The following STARD9 variants were observed in gnomAD, a reference collection of about 807,000 sequenced individuals.
The protein encoded by STARD9 is stAR-related lipid transfer protein 9.
STARD9 carries 346 observed loss-of-function variants against 399.8 expected under a neutral mutation model. The observed-to-expected ratio is 0.87, with a 90% CI of 0.79 to 0.95. The LOEUF is 0.95. Among genes scored for constraint, STARD9 ranks in the 40% least tolerant of loss-of-function variants. STARD9 has a pLI of 0.00. For missense variants in STARD9, 5,832 were observed against 5,667.5 expected, an observed-to-expected ratio of 1.03 and a Z score of -0.93; for synonymous variants, 2,203 against 2,143.5, an observed-to-expected ratio of 1.03 and a Z score of -0.77.
chr15:42,694,493 C>T lies in STARD9; in HGVS notation c.12765-35C>T, dbSNP rs746081853. ...GATAGATCTTAAAGTGAAGGACATT[C>T]AGGGCCAGCTTCAGCGAATCGTGTT... is the stretch of plus-strand genomic sequence containing the variant. On this transcript the variant is annotated intron_variant, in intron 23 of 32. Coordinates refer to ENST00000290607, the MANE Select transcript of STARD9 (RefSeq NM_020759.3). 2.7e-5 allele frequency: 41 copies of T among 1,534,408 alleles called. No individual in the cohort carries two copies. In the East Asian group the frequency reaches 5.4e-4, roughly 20 times the overall value.
In STARD9 at chr15:42,684,964, G is replaced by A. The variant is rs1397951089; in HGVS notation, c.3386G>A (p.Arg1129Lys). 1.3e-6 allele frequency: 2 copies of A among 1,537,022 alleles called. No homozygotes were observed. The highest frequency in any genetic ancestry group is 4.9e-5 in the East Asian group (2 of 40,914). The change falls in exon 23 of 33, where the codon AGG (arginine) becomes AAG (lysine). Residue 1129 changes from arginine to lysine, a missense_variant. By Grantham distance (26) the Arg-to-Lys change is conservative. Coordinates refer to ENST00000290607, the MANE Select transcript of STARD9 (RefSeq NM_020759.3). Reference protein sequence around the residue: ...ALIEPLKPEERKWDFPEPENS... With the variant: ...ALIEPLKPEEKKWDFPEPENS... ...ATAGAGCCACTGAAGCCAGAGGAGA[G>A]GAAATGGGATTTCCCAGAGCCAGAG...
At chr15:42,659,667 A>C (rs1320411498) in intron 9 of STARD9, among the ~76,000 whole-genome samples, 1 of 152,162 alleles carries the variant, frequency 6.6e-6, no homozygotes, top group Non-Finnish European at 1.5e-5. Context: ...CTGGGACTAC[A>C]GGTGCCCGCC....
chr15:42,667,550 C>G (rs555245327), intron 15 of STARD9, among the ~76,000 whole-genome samples: 1 of 150,922 alleles, frequency 6.6e-6, no homozygotes, highest in Non-Finnish European at 1.5e-5. Context: ...GGTGTAATCT[C>G]GGCTCGCTGT....
chr15:42,701,401 CA>C (rs2140336161), intron 26 of STARD9, among the ~76,000 whole-genome samples: 1 of 152,262 alleles, frequency 6.6e-6, no homozygotes, highest in South Asian at 2.1e-4. Context: ...TGATTCATGT[CA>C]TCTTTAATTT....
At chr15:42,618,753 C>G (rs9972577) in intron 3 of STARD9, among the ~76,000 whole-genome samples, 3 of 151,722 alleles carry the variant, frequency 2.0e-5, no homozygotes, top group African/African-American at 7.3e-5. Context: ...TGCACCAGCA[C>G]GCCTGGCTAA....
chr15:42,693,403 A>G lies in STARD9; in HGVS notation c.11825A>G (p.Asp3942Gly), dbSNP rs747116102. The G allele has an allele frequency of 6.5e-7, 1 of 1,537,186 alleles. No individual in the cohort carries two copies. The highest frequency in any genetic ancestry group is 1.2e-5 in the South Asian group (1 of 84,064). The change falls in exon 23 of 33, where the codon GAT becomes GGT. Residue 3942 changes from aspartate (D) to glycine (G), a missense_variant. By Grantham distance (94) the Asp-to-Gly change is moderately conservative (BLOSUM62 -1). Around this residue, in one of 2 missense-constraint regions of STARD9, gnomAD observed 5,828 missense variants for 5,651.1 expected, o/e 1.03. Transcript: ENST00000290607. ...QKLDSSPDPV[D>G]APRTPMDNYS... is the part of the protein sequence containing the mutation. ...CTTGACTCCAGCCCAGACCCTGTTG[A>G]TGCCCCAAGGACTCCAATGGATAAT...
chr15:42,687,793 T>C lies in STARD9; in HGVS notation c.6215T>C (p.Val2072Ala), dbSNP rs567917574. Residue 2072 changes from valine (V) to alanine (A), a missense_variant, in exon 23 of 33, where the codon GTT (valine) becomes GCT (alanine). This residue lies in a region of STARD9 where 5,828 missense variants were observed against 5,651.1 expected (regional missense o/e 1.03). Coordinates refer to ENST00000290607, the MANE Select transcript of STARD9 (RefSeq NM_020759.3). ...LEIESKQNKQ[V>A]HASHTPGTDK... ...ATTGAATCTAAGCAGAATAAGCAGG[T>C]TCATGCTTCCCACACACCAGGAACC... 6.5e-7 allele frequency: 1 copy of C among 1,537,390 alleles called. No homozygotes were observed. Among genetic ancestry groups the C allele is most frequent in the Admixed American group, 2.0e-5 (1 of 50,990 alleles).
rs1248909872 is a variant in STARD9 at position 42,663,424 on chromosome 15, G to C, written c.1012G>C (p.Asp338His). The C allele has an allele frequency of 6.5e-7, 1 of 1,537,316 alleles. No homozygotes were observed. Among genetic ancestry groups the C allele is most frequent in the African/African-American group, 1.4e-5 (1 of 73,180 alleles). Residue 338 changes from aspartate to histidine, a missense_variant, in exon 12 of 33, where the codon GAC (aspartate) becomes CAC (histidine). This residue lies in a region of STARD9 where 5,828 missense variants were observed against 5,651.1 expected (regional missense o/e 1.03). Transcript: ENST00000290607. ...SRRQSYIPYR[D>H]SVLTWLLKDS... ...AAGGCAGTCTTATATCCCATACCGA[G>C]ACTCTGTGTTGACCTGGCTGCTGAA...
rs1444271913 is a variant in STARD9, at chr15:42,691,744, G to T, written c.10166G>T (p.Arg3389Leu). 2 of 1,537,124 alleles carry T rather than the reference G, an allele frequency of 1.3e-6. No individual in the cohort carries two copies. Among genetic ancestry groups the T allele is most frequent in the African/African-American group, 2.7e-5 (2 of 73,040 alleles). The change falls in exon 23 of 33, where the codon CGC becomes CTC. Residue 3389 changes from arginine (R) to leucine (L), a missense_variant. Physicochemically the swap from Arg to Leu is moderately radical, Grantham distance 102. Transcript: ENST00000290607. ...GACAGCAATCAGAAAGCCTCATCTC[G>T]CTTGGATGATGGGACTACCGATCAC... Reference protein sequence around the residue: ...AEDSNQKASSRLDDGTTDHRH... With the variant: ...AEDSNQKASSLLDDGTTDHRH...
intron 26 of STARD9, among the ~76,000 whole-genome samples, chr15:42,713,024 T>C (rs191303983): frequency 2.0e-5 from 3 of 152,346 alleles, no homozygotes; most frequent in Admixed American, 2.0e-4. Context: ...CTTTGATGGG[T>C]AGATCAATTG....
chr15:42,690,706 A>G lies in STARD9; in HGVS notation c.9128A>G (p.Glu3043Gly). The G allele has an allele frequency of 6.5e-7, 1 of 1,537,230 alleles. No individual in the cohort carries two copies. The highest frequency in any genetic ancestry group is 8.7e-7 in the Non-Finnish European group (1 of 1,146,900). ...AGGCTAACAGAGAGCAGCACTTGTG[A>G]GCCTTCTACTGTGGCTGCTGTCCTA... The part of the protein sequence containing the change: ...EFRLTESSTC[E>G]PSTVAAVLSR... Residue 3043 changes from glutamate to glycine, a missense_variant, in exon 23 of 33, where the codon GAG (glutamate) becomes GGG (glycine). Coordinates refer to ENST00000290607, the MANE Select transcript of STARD9 (RefSeq NM_020759.3).
intron 3 of STARD9, among the ~76,000 whole-genome samples, chr15:42,587,788 C>T (rs1436307374): frequency 6.6e-6 from 1 of 152,136 alleles, no homozygotes; most frequent in Non-Finnish European, 1.5e-5. Context: ...TGATCTCGAA[C>T]TCCCGACCTC....
chr15:42,585,904 C>T (rs1054180478), intron 3 of STARD9, among the ~76,000 whole-genome samples: 2 of 152,204 alleles, frequency 1.3e-5, no homozygotes, highest in Admixed American at 6.5e-5. Flanking sequence ...GCGGTAATAT[C>T]GTGTATTTCC....
rs946020533 is a variant in STARD9, at chr15:42,686,841, G to C, written c.5263G>C (p.Ala1755Pro). The change falls in exon 23 of 33, where the codon GCC becomes CCC. Residue 1755 changes from alanine (A) to proline (P), a missense_variant. Physicochemically the swap from Ala to Pro is conservative, Grantham distance 27. Transcript: ENST00000290607. Reference protein sequence around the residue: ...ETFYVTKSRDALTETALEIPA... With the variant: ...ETFYVTKSRDPLTETALEIPA... ...ATTCTATGTGACCAAAAGCAGGGAT[G>C]CCCTGACAGAAACTGCCTTAGAGAT... 1 of 1,537,004 alleles carries C rather than the reference G, an allele frequency of 6.5e-7. No homozygotes were observed. The highest frequency in any genetic ancestry group is 1.4e-5 in the African/African-American group (1 of 73,054).
At chr15:42,582,357 C>T (rs951409533) in intron 1 of STARD9, among the ~76,000 whole-genome samples, 5 of 152,118 alleles carry the variant, frequency 3.3e-5, no homozygotes, top group South Asian at 2.1e-4. Flanking sequence ...CATCTGTTAA[C>T]ATTTTGGTCA....
In STARD9 at chr15:42,694,606, C is replaced by T. The variant is rs1424092078; in HGVS notation, c.12843C>T (p.Ser4281=). 3 of 1,537,190 alleles carry T rather than the reference C, an allele frequency of 2.0e-6. No homozygotes were observed. The highest frequency in any genetic ancestry group is 8.7e-7 in the Non-Finnish European group (1 of 1,146,892). The change falls in exon 24 of 33, where the codon AGC becomes AGT. Residue 4281 remains serine, a synonymous_variant. Coordinates refer to ENST00000290607, the MANE Select transcript of STARD9 (RefSeq NM_020759.3). The part of the protein sequence containing the change: ...LGNFCRTRSL[S]PQKQLSLLPN... The stretch of plus-strand genomic sequence containing the variant: ...ACTTCTGCCGGACGCGAAGCCTTAG[C>T]CCTCAGAAACAACTGAGCCTCCTGC...
Position 42,692,556 on chromosome 15 carries a change from C to G in STARD9, c.10978C>G (p.Gln3660Glu). The G allele has an allele frequency of 2.0e-6, 3 of 1,537,234 alleles. No individual in the cohort carries two copies. Among genetic ancestry groups the G allele is most frequent in the Non-Finnish European group, 2.6e-6 (3 of 1,146,918 alleles). Residue 3660 changes from glutamine (Q) to glutamate (E), a missense_variant, in exon 23 of 33, where the codon CAG (glutamine) becomes GAG (glutamate). By Grantham distance (29) the Gln-to-Glu change is conservative. Transcript: ENST00000290607. ...GAGCAGCACTGACATCTCCTTTGCTCAGCCTGAAGCCAGTGCAGTATCAGC... is the reference window on the plus strand; with the variant it reads ...GAGCAGCACTGACATCTCCTTTGCTGAGCCTGAAGCCAGTGCAGTATCAGC... ...HWSSTDISFA[Q>E]PEASAVSAFD... is the part of the protein sequence containing the mutation.
At chr15:42,581,578 G>C in intron 1 of STARD9, 1 of 878,536 alleles carries the variant, frequency 1.1e-6, no homozygotes, top group Non-Finnish European at 1.8e-6. Flanking sequence ...GTGGAAAAGC[G>C]AGCTCTGCGC....
At chr15:42,701,719 G>T (rs916293183) in intron 26 of STARD9, among the ~76,000 whole-genome samples, 3 of 152,112 alleles carry the variant, frequency 2.0e-5, no homozygotes, top group Non-Finnish European at 1.5e-5. Flanking sequence ...CCCTGGCCAG[G>T]CACGGTGGCT....
Sources: gnomAD v4.1 joint callset for allele counts (sites outside exome capture counted in the v4.1 genomes callset) on GRCh38, gnomAD v4.1.1 for gene constraint, gnomAD v4.1.1 regional missense constraint, MANE v1.5 for transcripts, NCBI Gene and HGNC (gene_info 2026-07-23, HGNC 2026-07-21) for gene names.